CHST11: variants seen among roughly 807,000 people sequenced by gnomAD.
The protein encoded by CHST11 is carbohydrate sulfotransferase 11, also known as C4S-1.
A neutral mutation model predicts 30.4 loss-of-function variants in CHST11; 9 were observed. The ratio of observed to expected loss-of-function variants is 0.30; its 90% confidence interval spans 0.18 to 0.52. The LOEUF is 0.52. Ranked by LOEUF, CHST11 falls within the 20% of genes least tolerant of loss-of-function variation. The probability of loss-of-function intolerance (pLI) is 0.97; values close to 1 mark genes in which losing one functional copy is unlikely to be tolerated. For missense variants in CHST11, 348 were observed against 460.6 expected (o/e 0.76, Z 2.24); for synonymous variants, 152 against 187.8 (o/e 0.81, Z 1.56).
intron 1 of CHST11, among the ~76,000 whole-genome samples, chr12:104,479,129 CT>C (rs2037592723): frequency 6.6e-6 from 1 of 151,736 alleles, no homozygotes; most frequent in East Asian, 1.9e-4. Context: ...CAACTCCTTC[CT>C]TTCCCAACCC....
chr12:104,675,221 C>G (rs2039730177), intron 2 of CHST11, among the ~76,000 whole-genome samples: 1 of 152,242 alleles, frequency 6.6e-6, no homozygotes, highest in Admixed American at 6.5e-5. Context: ...CGATAGTCGT[C>G]ATTATTTTAA....
Position 104,761,651 on chromosome 12 carries a change from C to T in CHST11, c.*3848C>T, listed in dbSNP as rs1020159436. On this transcript the variant is annotated 3_prime_UTR_variant, in exon 3 of 3. Transcript: ENST00000303694. Reference sequence around the variant, plus strand: ...TCCATCACAACCAGTTAGAACCCTACAGGCAACAAGGCCTTCTAGAATCCG... The same window carrying T: ...TCCATCACAACCAGTTAGAACCCTATAGGCAACAAGGCCTTCTAGAATCCG... 9 of 152,330 alleles carry T rather than the reference C, an allele frequency of 5.9e-5. No homozygotes were observed. The highest frequency in any genetic ancestry group is 1.0e-4 in the Non-Finnish European group (7 of 68,126). 9.4% of individuals were successfully genotyped at this position (152,330 alleles called of 1,614,324 possible). A position where few individuals can be genotyped will look rare whatever the true frequency, so the allele number is the denominator to read the frequency against.
chr12:104,578,287 G>C (rs1264242234), intron 1 of CHST11, among the ~76,000 whole-genome samples: 3 of 152,188 alleles, frequency 2.0e-5, no homozygotes, highest in Admixed American at 2.0e-4. Flanking sequence ...CCCAGTCGTT[G>C]AACCCCGAGT....
chr12:104,600,986 C>T lies in CHST11; in HGVS notation c.119-920C>T, dbSNP rs1252944940. 1.3e-5 allele frequency among the ~76,000 whole-genome samples: 2 copies of T among 149,744 alleles called. No individual in the cohort carries two copies. Among genetic ancestry groups the T allele is most frequent in the South Asian group, 2.1e-4 (1 of 4,704 alleles). ...CCTTCTTCCCTTCCCTTCCTTCCTT[C>T]GCTTGCTCCCCTCCCTTTCCTTCTC... On this transcript the variant is annotated intron_variant, in intron 1 of 2. Transcript: ENST00000303694. The surrounding 1 kb of genome is among the most constrained non-coding windows in gnomAD (Gnocchi z 4.1).
intron 1 of CHST11, among the ~76,000 whole-genome samples, chr12:104,508,077 G>T (rs562965379): frequency 5.3e-5 from 8 of 152,224 alleles, no homozygotes; most frequent in South Asian, 2.1e-4. Context: ...TGGTCTCCTC[G>T]ACCTTGAGAC....
Position 104,676,098 on chromosome 12 carries a change from T to C in CHST11, c.204+74107T>C, listed in dbSNP as rs11112159. On this transcript the variant is annotated intron_variant, in intron 2 of 2. Transcript: ENST00000303694. This position sits in a 1 kb window ranked among gnomAD's most constrained non-coding sequence, Gnocchi z 4.4. ...TTATATTGTTTTGATTTTTGAGTCA[T>C]GTATCTCATTTGAGCAAGAGATCAG... Among the ~76,000 whole-genome samples, 6,967 of 152,294 alleles carry C rather than the reference T, an allele frequency of 0.046. 274 individuals carry two copies. Among genetic ancestry groups the C allele is most frequent in the East Asian group, 0.2 (1,016 of 5,180 alleles).
At chr12:104,516,274 G>A (rs11112085) in intron 1 of CHST11, among the ~76,000 whole-genome samples, 1 of 152,278 alleles carries the variant, frequency 6.6e-6, no homozygotes, top group East Asian at 1.9e-4. Flanking sequence ...TTAGTTGAGA[G>A]AGCAGAGACC....
chr12:104,662,501 T>A (rs2039606442), intron 2 of CHST11, among the ~76,000 whole-genome samples: 1 of 152,198 alleles, frequency 6.6e-6, no homozygotes, highest in African/African-American at 2.4e-5. Flanking sequence ...CAGTCATGAC[T>A]CAAACTAGAT....
chr12:104,483,742 C>T (rs766393684), intron 1 of CHST11, among the ~76,000 whole-genome samples: 1 of 152,144 alleles, frequency 6.6e-6, no homozygotes, highest in Non-Finnish European at 1.5e-5. Context: ...GTACTTATTC[C>T]TCAGTACGCC....
chr12:104,618,788 A>G (rs1043001071), intron 2 of CHST11, among the ~76,000 whole-genome samples: 2 of 152,164 alleles, frequency 1.3e-5, no homozygotes, highest in African/African-American at 4.8e-5. Flanking sequence ...GTGCAGCATC[A>G]TCCAGCCTAT....
intron 2 of CHST11, among the ~76,000 whole-genome samples, chr12:104,727,241 C>T (rs1230149757): frequency 6.6e-6 from 1 of 152,218 alleles, no homozygotes; most frequent in Non-Finnish European, 1.5e-5. Context: ...TTGTGTTGCA[C>T]CCCTCAGGGG....
chr12:104,750,491 G>C (rs997085414), intron 2 of CHST11, among the ~76,000 whole-genome samples: 10 of 125,606 alleles, frequency 8.0e-5, no homozygotes, highest in African/African-American at 3.1e-4. Flanking sequence ...ACCCAGGCCG[G>C]AGTGCAATGG....
intron 1 of CHST11, among the ~76,000 whole-genome samples, chr12:104,517,630 C>G (rs1015806260): frequency 6.6e-6 from 1 of 152,170 alleles, no homozygotes; most frequent in African/African-American, 2.4e-5. Flanking sequence ...TCTGGCCACA[C>G]TGAAGTCCCT....
intron 2 of CHST11, among the ~76,000 whole-genome samples, chr12:104,651,606 T>A (rs1037254816): frequency 8.5e-5 from 13 of 152,216 alleles, no homozygotes; most frequent in African/African-American, 3.1e-4. Flanking sequence ...TGACCCCTGG[T>A]CACTCCTCCT....
At chr12:104,576,594 G>A (rs1267567388) in intron 1 of CHST11, among the ~76,000 whole-genome samples, 2 of 152,196 alleles carry the variant, frequency 1.3e-5, no homozygotes, top group Non-Finnish European at 2.9e-5. Context: ...GCTCTGAACT[G>A]GAGAGCAAGA....
intron 1 of CHST11, among the ~76,000 whole-genome samples, chr12:104,569,147 C>A (rs983681086): frequency 6.6e-6 from 1 of 152,032 alleles, no homozygotes; most frequent in Non-Finnish European, 1.5e-5. Flanking sequence ...GGACTGGAAC[C>A]CAATTGTCTG....
intron 2 of CHST11, among the ~76,000 whole-genome samples, chr12:104,707,036 A>T (rs2040042368): frequency 6.6e-6 from 1 of 152,156 alleles, no homozygotes; most frequent in African/African-American, 2.4e-5. Flanking sequence ...CCTTCTCATC[A>T]TCCGAGTCTC....
chr12:104,541,124 TCTCTCTCACACACACA>T (rs1565980042), intron 1 of CHST11, among the ~76,000 whole-genome samples: 2 of 128,758 alleles, frequency 1.6e-5, no homozygotes, highest in Non-Finnish European at 3.3e-5. Context: ...CCTCTCTCTC[TCTCTCTCACACACACA>T]CACACACACA....
At chr12:104,673,316 T>C (rs961139390) in intron 2 of CHST11, among the ~76,000 whole-genome samples, 5 of 152,212 alleles carry the variant, frequency 3.3e-5, no homozygotes, top group East Asian at 3.8e-4. Flanking sequence ...TTCAGCCTAC[T>C]GTACCTGTTA....
Sources: gnomAD v4.1 joint callset for allele counts (sites outside exome capture counted in the v4.1 genomes callset) on GRCh38, gnomAD v4.1.1 for gene constraint, Gnocchi (gnomAD v3.1) non-coding constraint, MANE v1.5 for transcripts, NCBI Gene and HGNC (gene_info 2026-07-23, HGNC 2026-07-21) for gene names.